Variants in VASP observed in about 807,000 individuals in gnomAD.
The protein encoded by VASP is vasodilator stimulated phosphoprotein.
A neutral mutation model predicts 54.4 loss-of-function variants in VASP; 27 were observed. The ratio of observed to expected loss-of-function variants is 0.50; its 90% CI spans 0.37 to 0.68. The LOEUF is 0.68. Among genes scored for constraint, VASP ranks in the 30% least tolerant of loss-of-function variants. The pLI is 0.00. For synonymous variants in VASP, 233 were observed against 209.8 expected (o/e 1.11, Z -0.96); for missense variants, 488 against 528.3 (o/e 0.92, Z 0.75).
chr19:45,519,686 C>T (rs1384355326), intron 3 of VASP, among the ~76,000 whole-genome samples: 1 of 150,212 alleles, frequency 6.7e-6, no homozygotes, highest in Non-Finnish European at 1.5e-5. Context: ...AGCTCTGCCT[C>T]CCGGGTAAAT....
rs1454326875 is a variant in VASP, at chr19:45,526,502, G to A, written c.*325G>A. On this transcript the variant is annotated 3_prime_UTR_variant, in exon 13 of 13. Transcript: ENST00000245932. ...GAAGGAGGGAATTTCACATTCCCTT[G>A]TTCTAGATTCACTTTAACGCTTAAT... The A allele has an allele frequency of 3.8e-6, 1 of 261,940 alleles. No individual in the cohort carries two copies. Among genetic ancestry groups the A allele is most frequent in the Admixed American group, 5.3e-5 (1 of 18,750 alleles). 16.2% of individuals were successfully genotyped at this position (261,940 alleles called of 1,614,324 possible).
Position 45,507,646 on chromosome 19 carries a change from C to A in VASP, c.-126C>A. The stretch of plus-strand genomic sequence containing the variant: ...CACATTCTCCCCAGGAAGCCGGACT[C>A]TATGGGGCGGGACCCTGGGGGAGCC... On this transcript the variant is annotated 5_prime_UTR_variant, in exon 1 of 13. Transcript: ENST00000245932. The surrounding 1 kb of genome is among the most constrained non-coding windows in gnomAD (Gnocchi z 4.4). The A allele has an allele frequency of 7.8e-7, 1 of 1,287,434 alleles. No individual in the cohort carries two copies. The highest frequency in any genetic ancestry group is 1.1e-6 in the Non-Finnish European group (1 of 946,272). The allele number at this position is 1,287,434 out of a possible 1,614,324, so 79.8% of individuals were successfully genotyped here.
chr19:45,515,225 G>C (rs1968678626), intron 1 of VASP, among the ~76,000 whole-genome samples: 1 of 152,124 alleles, frequency 6.6e-6, no homozygotes, highest in Admixed American at 6.5e-5. Flanking sequence ...TTTGCGGGGG[G>C]TGTCTAATTT....
intron 1 of VASP, among the ~76,000 whole-genome samples, chr19:45,508,049 T>G (rs1968523928): frequency 6.6e-6 from 1 of 151,568 alleles, no homozygotes; most frequent in African/African-American, 2.4e-5. Context: ...GTTAAGACTT[T>G]TTTTAGAGGA....
At chr19:45,508,670 C>A (rs185512802) in intron 1 of VASP, among the ~76,000 whole-genome samples, 1 of 152,218 alleles carries the variant, frequency 6.6e-6, no homozygotes, top group Admixed American at 6.5e-5. Context: ...GGCCCCTCCC[C>A]CTTTGCTCAC....
intron 3 of VASP, among the ~76,000 whole-genome samples, chr19:45,518,407 C>A (rs1202695455): frequency 6.6e-6 from 1 of 151,964 alleles, no homozygotes; most frequent in Non-Finnish European, 1.5e-5. Flanking sequence ...TATTAAAATT[C>A]AAAAATTAGC....
intron 11 of VASP, 155 bp from the exon 12 acceptor site, chr19:45,525,791 C>G: frequency 1.5e-6 from 1 of 662,932 alleles, no homozygotes; most frequent in Non-Finnish European, 2.6e-6. Context: ...ATTACCTGAG[C>G]CTGGGAAGTT....
In VASP at chr19:45,526,186, A is replaced by G. The variant is rs1197803783; in HGVS notation, c.*9A>G. Reference sequence around the variant, plus strand: ...AGCGGGGTTCTCCCTGACCACAGGGACCCAGAAGACCCGCTTCTCCTTTCC... The same window carrying G: ...AGCGGGGTTCTCCCTGACCACAGGGGCCCAGAAGACCCGCTTCTCCTTTCC... On this transcript the variant is annotated 3_prime_UTR_variant, in exon 13 of 13. Transcript: ENST00000245932. The G allele has an allele frequency of 6.2e-7, 1 of 1,602,740 alleles. No individual in the cohort carries two copies.
Position 45,526,369 on chromosome 19 carries a change from T to TG in VASP, c.*196dup. Reference sequence around the variant, plus strand: ...ACACCCACACTGGCTGCTGATTGGCTGGGGAGGCCCCCGCCCTTTTCTCCC... The same window carrying TG: ...ACACCCACACTGGCTGCTGATTGGCTGGGGGAGGCCCCCGCCCTTTTCTCCC... On this transcript the variant is annotated 3_prime_UTR_variant, in exon 13 of 13. Coordinates refer to ENST00000245932, the MANE Select transcript of VASP (RefSeq NM_003370.4). The TG allele has an allele frequency of 3.1e-6, 2 of 644,290 alleles. No homozygotes were observed. Among genetic ancestry groups the TG allele is most frequent in the Non-Finnish European group, 5.0e-6 (2 of 403,538 alleles). 39.9% of individuals were successfully genotyped at this position (644,290 alleles called of 1,614,324 possible). A position where few individuals can be genotyped will look rare whatever the true frequency, so the allele number is the denominator to read the frequency against.
At chr19:45,524,470 T>G in intron 10 of VASP, 100 bp from the exon 11 acceptor site, 1 of 1,238,936 alleles carries the variant, frequency 8.1e-7, no homozygotes, top group Non-Finnish European at 1.2e-6. Context: ...ACTTGCCCAA[T>G]TTATAAGGCA....
At position 45,507,826 on chromosome 19, in the gene VASP, C is replaced by T. The variant is rs184788197; in HGVS notation, c.5+50C>T. On this transcript the variant is annotated intron_variant, in intron 1 of 12. Coordinates refer to ENST00000245932, the MANE Select transcript of VASP (RefSeq NM_003370.4). This position sits in a 1 kb window ranked among gnomAD's most constrained non-coding sequence, Gnocchi z 4.4. ...CGTCCCCGCCCGGGCGGGCTCCGCG[C>T]CCCGCCTTTGTCCCCCTCCCCCCCA... 3.7e-4 allele frequency: 481 copies of T among 1,296,478 alleles called. 1 individual carries two copies. The African/African-American group carries it at 6.7e-3, about 18-fold the overall frequency. 80.3% of individuals were successfully genotyped at this position (1,296,478 alleles called of 1,614,324 possible).
In VASP at chr19:45,522,772, G is replaced by A. The variant is rs1968871378; in HGVS notation, c.775G>A (p.Gly259Arg). 2.5e-6 allele frequency: 4 copies of A among 1,601,806 alleles called. No individual in the cohort carries two copies. Among genetic ancestry groups the A allele is most frequent in the Admixed American group, 1.8e-5 (1 of 55,562 alleles). ...TAPKAESGRSGGGGLMEEMNA... is the reference protein window; with the variant it reads ...TAPKAESGRSRGGGLMEEMNA... ...CCCCAAAGCTGAGAGTGGTCGAAGC[G>A]GAGGTGGGGGACTCATGGAAGAGAT... The change falls in exon 7 of 13, where the codon GGA becomes AGA. Residue 259 changes from glycine (G) to arginine (R), a missense_variant. By Grantham distance (125) the Gly-to-Arg change is moderately radical. Transcript: ENST00000245932.
chr19:45,510,451 C>T (rs1968578546), intron 1 of VASP, among the ~76,000 whole-genome samples: 1 of 152,118 alleles, frequency 6.6e-6, no homozygotes, highest in East Asian at 1.9e-4. Context: ...GTCTCGAACT[C>T]TTAACCTCAG....
In VASP at chr19:45,521,337, C is replaced by T; in HGVS notation, c.359C>T (p.Pro120Leu). ...LEALEGGGPP[P>L]PPALPTWSVP... ...CACCTTTCAGGAGGTGGGCCCCCTC[C>T]ACCCCCAGCACTTCCCACCTGGTCG... Residue 120 changes from proline (P) to leucine (L), a missense_variant, in exon 4 of 13, where the codon CCA becomes CTA. Physicochemically the swap from Pro to Leu is moderately conservative, Grantham distance 98. Transcript: ENST00000245932. 6.3e-7 allele frequency: 1 copy of T among 1,579,024 alleles called. No individual in the cohort carries two copies.
intron 9 of VASP, 47 bp from the exon 10 acceptor site, chr19:45,524,050 G>A: frequency 6.2e-7 from 1 of 1,612,732 alleles, no homozygotes; most frequent in Non-Finnish European, 8.5e-7. Flanking sequence ...ATTGATTGGG[G>A]GGCAGTCTTT....
At chr19:45,515,887 C>A (rs1045269660) in intron 1 of VASP, among the ~76,000 whole-genome samples, 1 of 152,092 alleles carries the variant, frequency 6.6e-6, no homozygotes, top group Non-Finnish European at 1.5e-5. Flanking sequence ...CCCCACTGCC[C>A]TGGAGGTGGG....
chr19:45,509,695 TCTCCCCTGCAGGTGGTCACACCCGA>T (rs1353372893), intron 1 of VASP, among the ~76,000 whole-genome samples: 1 of 151,850 alleles, frequency 6.6e-6, no homozygotes, highest in East Asian at 1.9e-4. Context: ...TTCCAGGGGG[TCTCCCCTGCAGGTGGTCACACCCGA>T]CTTCCTGGGC....
rs1261221277 is a variant in VASP at position 45,522,375 on chromosome 19, C to A, written c.514C>A (p.Pro172Thr). 3 of 1,550,254 alleles carry A rather than the reference C, an allele frequency of 1.9e-6. No individual in the cohort carries two copies. Among genetic ancestry groups the A allele is most frequent in the African/African-American group, 1.4e-5 (1 of 73,278 alleles). ...PPAPPAGGPP[P>T]PPGPPPPPGP... is the part of the protein sequence containing the mutation. ...TGCTCCCCCCGCTGGGGGTCCACCC[C>A]CACCACCAGGACCTCCCCCTCCTCC... The change falls in exon 6 of 13, where the codon CCA becomes ACA. Residue 172 changes from proline to threonine, a missense_variant. By Grantham distance (38) the Pro-to-Thr change is conservative. Transcript: ENST00000245932.
In VASP at chr19:45,521,348, C is replaced by A. The variant is rs749193768; in HGVS notation, c.370C>A (p.Leu124Ile). ...EGGGPPPPPA[L>I]PTWSVPNGPS... ...AGGTGGGCCCCCTCCACCCCCAGCA[C>A]TTCCCACCTGGTCGGTCCCGAACGG... Residue 124 changes from leucine (L) to isoleucine (I), a missense_variant, in exon 4 of 13, where the codon CTT (leucine) becomes ATT (isoleucine). Leu to Ile is a conservative substitution (Grantham distance 5, BLOSUM62 2). Around this residue, in one of 4 missense-constraint regions of VASP, gnomAD observed 226 missense variants for 196.0 expected, o/e 1.15. Coordinates refer to ENST00000245932, the MANE Select transcript of VASP (RefSeq NM_003370.4). 1.3e-6 allele frequency: 2 copies of A among 1,582,776 alleles called. No homozygotes were observed. Among genetic ancestry groups the A allele is most frequent in the African/African-American group, 1.3e-5 (1 of 74,610 alleles).
Sources: allele counts gnomAD v4.1 joint callset (sites outside exome capture counted in the v4.1 genomes callset), GRCh38; gene constraint gnomAD v4.1.1; regional missense constraint gnomAD v4.1.1; non-coding constraint Gnocchi (gnomAD v3.1); transcripts MANE v1.5; gene names NCBI Gene and HGNC (gene_info 2026-07-23, HGNC 2026-07-21).